The following HPSE2 variants were observed in gnomAD, a reference collection of about 807,000 sequenced individuals.
HPSE2 encodes the protein heparanase 2 (inactive), also known as inactive heparanase-2.
In HPSE2, 38 loss-of-function variants were observed where a neutral mutation model predicts 60.5. That is an observed-to-expected ratio of 0.63 (90% CI 0.48 to 0.82). HPSE2 has a LOEUF of 0.82. HPSE2 is among the 40% of genes least tolerant of loss of function. The pLI, the probability that HPSE2 is intolerant of heterozygous loss-of-function variation, is 0.00. For missense variants in HPSE2, 713 were observed against 740.4 expected, an observed-to-expected ratio of 0.96 and a Z score of 0.43; for synonymous variants, 295 against 293.2, an observed-to-expected ratio of 1.01 and a Z score of -0.06.
Position 99,091,925 on chromosome 10 carries a change from C to G in HPSE2, c.610+52313G>C, listed in dbSNP as rs56764883. On this transcript the variant is annotated intron_variant, in intron 3 of 11. Transcript: ENST00000370552. ...AATTCTTTAACTCAAAAGTTGCTGT[C>G]ATTTTTGTTACATGCATGAGCTCAA... Among the ~76,000 whole-genome samples, 373 of 152,268 alleles carry G rather than the reference C, an allele frequency of 2.4e-3. 10 individuals carry two copies. In the East Asian group the frequency reaches 0.059, roughly 24 times the overall value.
intron 9 of HPSE2, among the ~76,000 whole-genome samples, chr10:98,579,498 T>C (rs1447682554): frequency 1.3e-5 from 2 of 152,290 alleles, no homozygotes; most frequent in Admixed American, 1.3e-4. Context: ...GTTATTTTGC[T>C]GATGTTTTCA....
chr10:98,830,328 G>A (rs1211906911), intron 3 of HPSE2, among the ~76,000 whole-genome samples: 1 of 152,066 alleles, frequency 6.6e-6, no homozygotes, highest in Non-Finnish European at 1.5e-5. Context: ...AGGGAGAGGA[G>A]GAAGAAGAGG....
At chr10:99,159,107 T>C (rs1234995190) in intron 2 of HPSE2, among the ~76,000 whole-genome samples, 2 of 148,910 alleles carry the variant, frequency 1.3e-5, no homozygotes, top group Non-Finnish European at 3.0e-5. Flanking sequence ...ACTTACAAAC[T>C]AGAAAAATAA....
At chr10:98,872,144 G>C (rs1462093067) in intron 3 of HPSE2, among the ~76,000 whole-genome samples, 2 of 152,084 alleles carry the variant, frequency 1.3e-5, no homozygotes, top group African/African-American at 4.8e-5. Context: ...TCAAGAAAGA[G>C]ATGTGCAGCC....
intron 2 of HPSE2, among the ~76,000 whole-genome samples, chr10:99,184,827 G>C (rs1222879900): frequency 0.32 from 12,787 of 39,886 alleles, 3,363 homozygotes; most frequent in Non-Finnish European, 0.55. Context: ...TATAGAGAGA[G>C]AGAGAGAGAG....
intron 7 of HPSE2, among the ~76,000 whole-genome samples, chr10:98,639,859 T>C (rs538884963): frequency 6.4e-4 from 98 of 152,260 alleles, no homozygotes; most frequent in African/African-American, 2.3e-3. Context: ...TCATTTTACT[T>C]CCAACAACAG....
At chr10:98,775,326 T>C (rs200622586) in intron 3 of HPSE2, among the ~76,000 whole-genome samples, 2 of 152,178 alleles carry the variant, frequency 1.3e-5, no homozygotes, top group East Asian at 3.9e-4. Flanking sequence ...CAAGTAATGA[T>C]GGAGGAGGTC....
At position 99,205,326 on chromosome 10, in the gene HPSE2, C is replaced by T. The variant is rs183190959; in HGVS notation, c.448+27022G>A. Reference sequence around the variant, plus strand: ...AAAATAGGCCAGGTGTAGTGGCTCACACCTATAATCCCAGCACTTTGGGAG... The same window carrying T: ...AAAATAGGCCAGGTGTAGTGGCTCATACCTATAATCCCAGCACTTTGGGAG... On this transcript the variant is annotated intron_variant, in intron 2 of 11. Transcript: ENST00000370552. 1.4e-3 allele frequency among the ~76,000 whole-genome samples: 207 copies of T among 152,210 alleles called. No individual in the cohort carries two copies. In the Middle Eastern group the frequency reaches 0.041, roughly 30 times the overall value.
intron 9 of HPSE2, among the ~76,000 whole-genome samples, chr10:98,573,532 C>T (rs1434533594): frequency 5.9e-5 from 9 of 152,138 alleles, no homozygotes; most frequent in South Asian, 2.1e-4. Flanking sequence ...TGTTGTCCCC[C>T]ATTCTAAAAG....
chr10:98,942,052 A>T (rs563006135), intron 3 of HPSE2, among the ~76,000 whole-genome samples: 18 of 143,066 alleles, frequency 1.3e-4, no homozygotes, highest in South Asian at 1.1e-3. Flanking sequence ...ACTGGATCCC[A>T]TCCTTACACC....
At chr10:98,511,328 T>C (rs1942386969) in intron 9 of HPSE2, among the ~76,000 whole-genome samples, 1 of 152,084 alleles carries the variant, frequency 6.6e-6, no homozygotes, top group Non-Finnish European at 1.5e-5. Context: ...TTTTTTGTAT[T>C]TTTAGTAGAG....
chr10:98,845,929 C>G lies in HPSE2; in HGVS notation c.611-101873G>C, dbSNP rs551681575. 1.4e-4 allele frequency among the ~76,000 whole-genome samples: 22 copies of G among 152,312 alleles called. No homozygotes were observed. The East Asian group carries it at 4.3e-3, about 29-fold the overall frequency. ...AATTACCAGTAGTGGTGTCTCCCAA[C>G]CAATAGGAATTCTTTTCCATTCCAA... On this transcript the variant is annotated intron_variant, in intron 3 of 11. Transcript: ENST00000370552.
the HPSE2 span, among the ~76,000 whole-genome samples, chr10:99,287,370 G>A: frequency 6.6e-6 from 1 of 152,102 alleles, no homozygotes; most frequent in Non-Finnish European, 1.5e-5. Flanking sequence ...ACAGCTCAGA[G>A]AAAGTCTTCA....
chr10:98,494,982 A>G (rs985367348), intron 9 of HPSE2, among the ~76,000 whole-genome samples: 1 of 152,134 alleles, frequency 6.6e-6, no homozygotes, highest in Admixed American at 6.5e-5. Context: ...TGAGATCTTT[A>G]TTTTTTCATA....
At chr10:99,172,063 G>A (rs931530065) in intron 2 of HPSE2, among the ~76,000 whole-genome samples, 4 of 152,116 alleles carry the variant, frequency 2.6e-5, no homozygotes, top group African/African-American at 9.7e-5. Context: ...TTCAGGGAAT[G>A]TACATGTGCA....
At chr10:98,846,842 G>A (rs558998153) in intron 3 of HPSE2, among the ~76,000 whole-genome samples, 1 of 152,246 alleles carries the variant, frequency 6.6e-6, no homozygotes, top group South Asian at 2.1e-4. Flanking sequence ...AAGTAGCTGG[G>A]ACTACAGGTA....
chr10:98,973,163 TA>T (rs1956000091), intron 3 of HPSE2, among the ~76,000 whole-genome samples: 1 of 152,122 alleles, frequency 6.6e-6, no homozygotes, highest in South Asian at 2.1e-4. Context: ...TAAACTACAT[TA>T]TTGAATTATA....
At chr10:99,314,185 C>A in the HPSE2 span, among the ~76,000 whole-genome samples, 1 of 152,224 alleles carries the variant, frequency 6.6e-6, no homozygotes, top group Admixed American at 6.5e-5. Context: ...TTTTTTGACA[C>A]AAGGTTTGTC....
chr10:98,487,889 G>A (rs186055951), intron 10 of HPSE2, among the ~76,000 whole-genome samples: 157 of 152,346 alleles, frequency 1.0e-3, no homozygotes, highest in African/African-American at 3.5e-3. Flanking sequence ...GCCCTAGCTG[G>A]ACACTGACAC....
Sources: gnomAD v4.1 joint callset for allele counts (sites outside exome capture counted in the v4.1 genomes callset) on GRCh38, gnomAD v4.1.1 for gene constraint, MANE v1.5 for transcripts, NCBI Gene and HGNC (gene_info 2026-07-23, HGNC 2026-07-21) for gene names.